The following PTPRM variants were observed in gnomAD, a reference collection of about 807,000 sequenced individuals.
PTPRM encodes the protein protein tyrosine phosphatase receptor type M, also known as receptor-type tyrosine-protein phosphatase mu.
Under a neutral mutation model 186.7 loss-of-function variants are expected in PTPRM, and 47 were observed. The ratio of observed to expected loss-of-function variants is 0.25; its 90% CI spans 0.20 to 0.32. PTPRM has a LOEUF of 0.32. Among genes scored for constraint, PTPRM ranks in the 10% least tolerant of loss-of-function variants. The pLI is 1.00. For missense variants in PTPRM, 1,494 were observed against 1,865.0 expected (o/e 0.80, Z 3.66); for synonymous variants, 668 against 674.9 (o/e 0.99, Z 0.16).
At chr18:7,601,744 G>A (rs1316213483) in intron 1 of PTPRM, among the ~76,000 whole-genome samples, 1 of 152,200 alleles carries the variant, frequency 6.6e-6, no homozygotes, top group African/African-American at 2.4e-5. Flanking sequence ...CATTTTACAA[G>A]TTTCAGGAGT....
At chr18:8,244,735 G>C (rs570477737) in intron 15 of PTPRM, among the ~76,000 whole-genome samples, 1 of 152,276 alleles carries the variant, frequency 6.6e-6, no homozygotes, top group Non-Finnish European at 1.5e-5. Flanking sequence ...ACCAACCTCA[G>C]CTACTGCCTT....
At chr18:7,617,989 T>C (rs2037847905) in intron 1 of PTPRM, among the ~76,000 whole-genome samples, 2 of 152,352 alleles carry the variant, frequency 1.3e-5, no homozygotes, top group South Asian at 4.1e-4. Context: ...GAGACTGGGC[T>C]CTTGAGAAGC....
chr18:8,026,530 A>G (rs1183661405), intron 7 of PTPRM, among the ~76,000 whole-genome samples: 1 of 152,172 alleles, frequency 6.6e-6, no homozygotes, highest in Non-Finnish European at 1.5e-5. Context: ...TATTATTTCA[A>G]CAGTATTTCA....
At chr18:7,664,441 G>A (rs1311234201) in intron 1 of PTPRM, among the ~76,000 whole-genome samples, 1 of 152,212 alleles carries the variant, frequency 6.6e-6, no homozygotes, top group Non-Finnish European at 1.5e-5. Context: ...CAGGGCCCTG[G>A]AGCCTGCGCT....
intron 7 of PTPRM, among the ~76,000 whole-genome samples, chr18:8,036,950 G>C (rs2086372338): frequency 6.6e-6 from 1 of 152,128 alleles, no homozygotes; most frequent in African/African-American, 2.4e-5. Context: ...GTGTTTATCG[G>C]TCCTAAGGTT....
At chr18:7,581,136 A>C (rs909847528) in intron 1 of PTPRM, among the ~76,000 whole-genome samples, 1 of 152,222 alleles carries the variant, frequency 6.6e-6, no homozygotes, top group Non-Finnish European at 1.5e-5. Context: ...TGAAAACCTC[A>C]GTCAAAGCTG....
intron 31 of PTPRM, among the ~76,000 whole-genome samples, chr18:8,392,582 G>A (rs949829539): frequency 1.4e-4 from 22 of 151,788 alleles, no homozygotes; most frequent in Admixed American, 9.9e-4. Context: ...AGCCAAGATC[G>A]CGCCACTGCA....
chr18:7,884,951 A>AAC (rs1555632235), intron 2 of PTPRM, among the ~76,000 whole-genome samples: 2 of 146,306 alleles, frequency 1.4e-5, no homozygotes, highest in South Asian at 2.2e-4. Flanking sequence ...AAAAAAAAAA[A>AAC]GGAGAGAGAG....
chr18:8,008,357 G>A (rs1356018083), intron 7 of PTPRM, among the ~76,000 whole-genome samples: 3 of 152,160 alleles, frequency 2.0e-5, no homozygotes, highest in East Asian at 1.9e-4. Context: ...AAAGGCTGAC[G>A]AAGAAGGTCG....
intron 1 of PTPRM, among the ~76,000 whole-genome samples, chr18:7,605,867 T>C (rs1440343623): frequency 6.6e-6 from 1 of 152,048 alleles, no homozygotes; most frequent in Non-Finnish European, 1.5e-5. Flanking sequence ...AGAGCTGACA[T>C]GGGATTAGGT....
At chr18:7,913,462 G>C (rs563498970) in intron 4 of PTPRM, among the ~76,000 whole-genome samples, 1 of 152,288 alleles carries the variant, frequency 6.6e-6, no homozygotes, top group South Asian at 2.1e-4. Context: ...GTTGGCTGTG[G>C]TGTTTTGTAA....
chr18:7,931,728 T>C (rs1231320481), intron 5 of PTPRM, among the ~76,000 whole-genome samples: 1 of 152,230 alleles, frequency 6.6e-6, no homozygotes, highest in Non-Finnish European at 1.5e-5. Context: ...ATGGGAAACT[T>C]CTGATGTTGT....
At chr18:8,351,915 C>T (rs901314288) in intron 23 of PTPRM, among the ~76,000 whole-genome samples, 5 of 152,162 alleles carry the variant, frequency 3.3e-5, no homozygotes, top group Admixed American at 2.6e-4. Flanking sequence ...CCCTGGCTGC[C>T]CTGGTGAACC....
chr18:8,066,338 T>C (rs1235863192), intron 7 of PTPRM, among the ~76,000 whole-genome samples: 1 of 152,190 alleles, frequency 6.6e-6, no homozygotes, highest in Non-Finnish European at 1.5e-5. Context: ...TGTTATTGTA[T>C]GTATCTGCTT....
chr18:7,986,513 C>T (rs1208323018), intron 7 of PTPRM, among the ~76,000 whole-genome samples: 2 of 152,280 alleles, frequency 1.3e-5, no homozygotes, highest in Admixed American at 6.5e-5. Flanking sequence ...GAAGCCTGTG[C>T]CCTGACATGG....
intron 4 of PTPRM, among the ~76,000 whole-genome samples, chr18:7,923,371 G>T (rs1306476047): frequency 1.3e-5 from 2 of 152,158 alleles, no homozygotes; most frequent in African/African-American, 2.4e-5. Context: ...ACTCCACAGG[G>T]AGATGGAAGG....
At chr18:7,895,390 A>G (rs2049301311) in intron 3 of PTPRM, among the ~76,000 whole-genome samples, 1 of 152,238 alleles carries the variant, frequency 6.6e-6, no homozygotes, top group Admixed American at 6.5e-5. Flanking sequence ...TGGAATGTCA[A>G]AAGGTGTTAA....
chr18:8,181,742 A>C (rs764750474), intron 14 of PTPRM, among the ~76,000 whole-genome samples: 22 of 152,296 alleles, frequency 1.4e-4, no homozygotes, highest in Non-Finnish European at 2.8e-4. Context: ...ATGAATCCGC[A>C]TCAGGCTTTC....
intron 1 of PTPRM, among the ~76,000 whole-genome samples, chr18:7,664,307 C>T (rs57109716): frequency 0.072 from 10,950 of 152,266 alleles, 426 homozygotes; most frequent in South Asian, 0.14. Flanking sequence ...TGGGATTACG[C>T]AGGAGCTAAG....
Sources: gnomAD v4.1 joint callset for allele counts (sites outside exome capture counted in the v4.1 genomes callset) on GRCh38, gnomAD v4.1.1 for gene constraint, MANE v1.5 for transcripts, NCBI Gene and HGNC (gene_info 2026-07-23, HGNC 2026-07-21) for gene names.